Variants in GTF2A1 observed in about 807,000 individuals in gnomAD.
GTF2A1 encodes the protein transcription initiation factor IIA subunit 1.
In GTF2A1, 12 loss-of-function variants were observed where a neutral mutation model predicts 54.1. That is an observed-to-expected ratio of 0.22 (90% CI 0.14 to 0.36). The LOEUF (loss-of-function observed/expected upper bound fraction) is 0.36, where lower values mean the gene tolerates loss of function less well. Ranked by LOEUF, GTF2A1 falls within the 10% of genes least tolerant of loss-of-function variation. GTF2A1 has a pLI of 1.00. For synonymous variants in GTF2A1, 145 were observed against 152.0 expected (o/e 0.95, Z 0.34); for missense variants, 335 against 442.2 (o/e 0.76, Z 2.17).
chr14:81,219,590 C>T (rs530906937), intron 1 of GTF2A1, among the ~76,000 whole-genome samples: 1 of 152,314 alleles, frequency 6.6e-6, no homozygotes, highest in Admixed American at 6.5e-5. Context: ...CGGGCGGCCG[C>T]GGGCTGGTCT....
chr14:81,204,332 T>A (rs1396619275), intron 2 of GTF2A1: 2 of 661,848 alleles, frequency 3.0e-6, no homozygotes, highest in African/African-American at 3.6e-5. Context: ...TTTGTTTCTT[T>A]TTTTTATCTT....
At chr14:81,203,778 A>G (rs1408976849) in intron 3 of GTF2A1, 122 bp downstream of exon 3, 7 of 776,818 alleles carry the variant, frequency 9.0e-6, no homozygotes, top group Middle Eastern at 2.6e-4. Context: ...GTTTTTGTTT[A>G]TTTTTAGGTT....
intron 7 of GTF2A1, among the ~76,000 whole-genome samples, chr14:81,191,038 G>A (rs1284366163): frequency 1.3e-5 from 2 of 152,164 alleles, no homozygotes; most frequent in African/African-American, 4.8e-5. Flanking sequence ...AAACGGGCAA[G>A]AGACCTCAAT....
chr14:81,217,410 A>C (rs1384068227), intron 1 of GTF2A1, among the ~76,000 whole-genome samples: 1 of 152,246 alleles, frequency 6.6e-6, no homozygotes, highest in Non-Finnish European at 1.5e-5. Flanking sequence ...AAGTCATGTC[A>C]GATGACAAAA....
intron 7 of GTF2A1, 54 bp downstream of exon 7, chr14:81,192,465 C>A (rs1299830993): frequency 2.2e-6 from 3 of 1,350,592 alleles, no homozygotes; most frequent in African/African-American, 1.5e-5. Context: ...GTTGTACCAA[C>A]TAAAAAAGGA....
intron 3 of GTF2A1, among the ~76,000 whole-genome samples, 179 bp downstream of exon 3, chr14:81,203,721 C>A (rs1893163916): frequency 1.3e-5 from 2 of 152,170 alleles, no homozygotes; most frequent in African/African-American, 4.8e-5. Context: ...ACATACACAT[C>A]CCTCAGCCAA....
chr14:81,207,177 AC>A, intron 2 of GTF2A1, among the ~76,000 whole-genome samples: 1 of 148,916 alleles, frequency 6.7e-6, no homozygotes, highest in African/African-American at 2.5e-5. Context: ...CTACCTACCT[AC>A]CTACCTACCT....
In GTF2A1 at chr14:81,180,737, T is replaced by G. The variant is rs565597971; in HGVS notation, c.1024-407A>C. ...ACTATTTTATAGCTTTTAGTACTTG[T>G]GTTCATTAAAGTAGTTAAAAAATAT... On this transcript the variant is annotated intron_variant, in intron 8 of 8. Transcript: ENST00000553612. Among the ~76,000 whole-genome samples, 10 of 152,346 alleles carry G rather than the reference T, an allele frequency of 6.6e-5. No homozygotes were observed. In the South Asian group the frequency reaches 1.9e-3, roughly 28 times the overall value.
At chr14:81,210,004 T>A in intron 2 of GTF2A1, 1 of 454,680 alleles carries the variant, frequency 2.2e-6, no homozygotes, top group Non-Finnish European at 3.8e-6. Context: ...AGGATGCTAC[T>A]GACATTTTCG....
At chr14:81,189,667 T>C (rs111974404) in intron 7 of GTF2A1, among the ~76,000 whole-genome samples, 19,424 of 151,214 alleles carry the variant, frequency 0.13, 1,427 homozygotes, top group African/African-American at 0.2. Flanking sequence ...CGAGACTCCA[T>C]CTCAAAAAAA....
chr14:81,189,394 A>G (rs559548800), intron 7 of GTF2A1, among the ~76,000 whole-genome samples: 26 of 152,322 alleles, frequency 1.7e-4, no homozygotes, highest in South Asian at 1.0e-3. Flanking sequence ...TCAAGTGGCC[A>G]GGCGCGGTGG....
intron 2 of GTF2A1, among the ~76,000 whole-genome samples, chr14:81,208,470 C>G (rs2140035769): frequency 6.6e-6 from 1 of 152,340 alleles, no homozygotes; most frequent in South Asian, 2.1e-4. Flanking sequence ...AGAACCTCTG[C>G]TAGGGCAGTG....
chr14:81,177,505 A>G lies in GTF2A1; in HGVS notation c.*2718T>C, dbSNP rs895618680. 5 of 152,112 alleles carry G rather than the reference A, an allele frequency of 3.3e-5. No homozygotes were observed. Among genetic ancestry groups the G allele is most frequent in the African/African-American group, 1.2e-4 (5 of 41,444 alleles). The allele number at this position is 152,112 out of a possible 1,614,324, so 9.4% of individuals were successfully genotyped here. On this transcript the variant is annotated 3_prime_UTR_variant, in exon 9 of 9. Transcript: ENST00000553612. Reference sequence around the variant, plus strand: ...ACACATTTCCATGTTTTATCTTGTAATTTTGTGTAAATTTTCCTTAGCACT... The same window carrying G: ...ACACATTTCCATGTTTTATCTTGTAGTTTTGTGTAAATTTTCCTTAGCACT...
Position 81,215,233 on chromosome 14 carries a change from G to T in GTF2A1, c.132+1180C>A, listed in dbSNP as rs552829019. 4.6e-5 allele frequency among the ~76,000 whole-genome samples: 7 copies of T among 152,208 alleles called. 1 individual carries two copies. In the South Asian group the frequency reaches 1.5e-3, roughly 32 times the overall value. On this transcript the variant is annotated intron_variant, in intron 2 of 8. Transcript: ENST00000553612. ...TCCTCATCTTTTTAATATTCAGTTT[G>T]TCAGAAATGAGAAGTATACATAAAG...
intron 2 of GTF2A1, among the ~76,000 whole-genome samples, chr14:81,205,406 T>A (rs1355914044): frequency 6.6e-6 from 1 of 152,230 alleles, no homozygotes; most frequent in African/African-American, 2.4e-5. Context: ...TCCTAGGGAA[T>A]CTTACTGGCA....
intron 6 of GTF2A1, among the ~76,000 whole-genome samples, chr14:81,193,178 T>A (rs1892913735): frequency 6.6e-6 from 1 of 151,802 alleles, no homozygotes; most frequent in Admixed American, 6.6e-5. Context: ...TTTTTTTTTT[T>A]TTTTTATAGA....
chr14:81,194,542 C>G (rs1474317338), intron 6 of GTF2A1, among the ~76,000 whole-genome samples: 2 of 152,128 alleles, frequency 1.3e-5, no homozygotes, highest in Non-Finnish European at 2.9e-5. Context: ...GATCTTGTCT[C>G]TATCATAATA....
At position 81,216,401 on chromosome 14, in the gene GTF2A1, A is replaced by G; in HGVS notation, c.132+12T>C. 1 of 1,142,286 alleles carries G rather than the reference A, an allele frequency of 8.8e-7. No homozygotes were observed. The highest frequency in any genetic ancestry group is 1.3e-6 in the Non-Finnish European group (1 of 764,132). The allele number at this position is 1,142,286 out of a possible 1,614,324, so 70.8% of individuals were successfully genotyped here. On this transcript the variant is annotated intron_variant, in intron 2 of 8. Coordinates refer to ENST00000553612, the MANE Select transcript of GTF2A1 (RefSeq NM_015859.4). ...GAAAAGTAGGAATATTTTAAAAAAA[A>G]GACAAACTCACAGTTTTTAGTTCCA...
intron 2 of GTF2A1, among the ~76,000 whole-genome samples, chr14:81,211,908 T>TATATATATATATATATATA: frequency 7.2e-6 from 1 of 138,580 alleles, no homozygotes; most frequent in Non-Finnish European, 1.5e-5. Context: ...TATATATATA[T>TATATATATATATATATATA]AACTAGAGTA....
Sources: allele counts gnomAD v4.1 joint callset (sites outside exome capture counted in the v4.1 genomes callset), GRCh38; gene constraint gnomAD v4.1.1; transcripts MANE v1.5; gene names NCBI Gene and HGNC (gene_info 2026-07-23, HGNC 2026-07-21).